The following CATSPERE variants were observed in gnomAD, a reference collection of about 807,000 sequenced individuals.
The protein encoded by CATSPERE is catsper channel auxiliary subunit epsilon.
In CATSPERE, 93 loss-of-function variants were observed where a neutral mutation model predicts 114.1. That is an observed-to-expected ratio of 0.81 (90% CI 0.69 to 0.97). The LOEUF (loss-of-function observed/expected upper bound fraction) is 0.97. Ranked by LOEUF, CATSPERE falls within the 50% of genes least tolerant of loss-of-function variation. CATSPERE has a pLI of 0.00. For synonymous variants in CATSPERE, 341 were observed against 384.1 expected (o/e 0.89, Z 1.31); for missense variants, 1,058 against 1,131.6 (o/e 0.93, Z 0.93).
chr1:244,602,308 T>C (rs1669358032), intron 17 of CATSPERE, among the ~76,000 whole-genome samples: 1 of 152,206 alleles, frequency 6.6e-6, no homozygotes, highest in South Asian at 2.1e-4. Flanking sequence ...GTATACATAG[T>C]TGAAAACCAG....
At chr1:244,638,150 C>G (rs1046498814) in intron 21 of CATSPERE, among the ~76,000 whole-genome samples, 2 of 152,174 alleles carry the variant, frequency 1.3e-5, no homozygotes, top group Admixed American at 1.3e-4. Flanking sequence ...CAGGACAAAA[C>G]TTCTCAAAAG....
At chr1:244,531,079 ATTT>A (rs772984024) in intron 8 of CATSPERE, among the ~76,000 whole-genome samples, 1 of 151,076 alleles carries the variant, frequency 6.6e-6, no homozygotes, top group Non-Finnish European at 1.5e-5. Flanking sequence ...AATAAAAAAA[ATTT>A]AAAAAAAGCC....
intron 2 of CATSPERE, among the ~76,000 whole-genome samples, chr1:244,474,905 A>G (rs1572268086): frequency 6.6e-6 from 1 of 151,642 alleles, no homozygotes; most frequent in Non-Finnish European, 1.5e-5. Context: ...CACCACACCC[A>G]GCTAATTTTT....
chr1:244,587,222 G>C (rs1667136644), intron 13 of CATSPERE, among the ~76,000 whole-genome samples: 1 of 152,120 alleles, frequency 6.6e-6, no homozygotes, highest in Admixed American at 6.5e-5. Context: ...TTTAATTTTT[G>C]TGTGTAATAT....
At chr1:244,606,750 T>G (rs1056586911) in intron 18 of CATSPERE, among the ~76,000 whole-genome samples, 2 of 151,926 alleles carry the variant, frequency 1.3e-5, no homozygotes, top group Non-Finnish European at 2.9e-5. Flanking sequence ...TACAGGCACA[T>G]GCCACTACAC....
chr1:244,470,168 A>G (rs927356266), intron 2 of CATSPERE, among the ~76,000 whole-genome samples: 6 of 152,226 alleles, frequency 3.9e-5, no homozygotes, highest in Non-Finnish European at 8.8e-5. Context: ...GCAACAAAAG[A>G]AAAAATAGAT....
Position 244,614,526 on chromosome 1 carries a change from T to C in CATSPERE, c.2491-3003T>C, listed in dbSNP as rs570490453. ...TCCTTTGCTTTTTATACAAACATCT[T>C]CCAAACTTTTCCCAGAGGTCTGTCC... is the stretch of plus-strand genomic sequence containing the variant. On this transcript the variant is annotated intron_variant, in intron 19 of 21. Transcript: ENST00000366534. Among the ~76,000 whole-genome samples the C allele has an allele frequency of 7.5e-3, 1,138 of 152,334 alleles. 17 individuals carry two copies. The highest frequency in any genetic ancestry group is 0.026 in the African/African-American group (1,084 of 41,570).
At chr1:244,603,168 G>T (rs1047803181) in intron 17 of CATSPERE, among the ~76,000 whole-genome samples, 8 of 152,096 alleles carry the variant, frequency 5.3e-5, no homozygotes, top group African/African-American at 1.9e-4. Flanking sequence ...TCATAGGCAG[G>T]GGCTCCTGGA....
chr1:244,469,548 T>C (rs3006011), intron 2 of CATSPERE, among the ~76,000 whole-genome samples: 2,059 of 152,208 alleles, frequency 0.014, 44 homozygotes, highest in African/African-American at 0.045. Context: ...TGCAAGAAAA[T>C]GAACTAAAAG....
chr1:244,622,850 G>A (rs1247801206), intron 20 of CATSPERE, among the ~76,000 whole-genome samples: 1 of 152,036 alleles, frequency 6.6e-6, no homozygotes, highest in East Asian at 1.9e-4. Context: ...TAGCTTTACA[G>A]CTTTATAATA....
At chr1:244,525,209 A>T (rs1022028802) in intron 8 of CATSPERE, among the ~76,000 whole-genome samples, 2 of 150,772 alleles carry the variant, frequency 1.3e-5, no homozygotes. Context: ...TGAAATTGGA[A>T]ATCATCATTC....
rs144928151 is a variant in CATSPERE at position 244,620,461 on chromosome 1, G to C, written c.2648+2775G>C. The stretch of plus-strand genomic sequence containing the variant: ...GAGTGGGTCGTGGGGAGAATCTGCT[G>C]TATCTTACAATACCTACAGAGCACA... On this transcript the variant is annotated intron_variant, in intron 20 of 21. Coordinates refer to ENST00000366534, the MANE Select transcript of CATSPERE (RefSeq NM_001130957.2). Among the ~76,000 whole-genome samples the C allele has an allele frequency of 3.3e-5, 5 of 152,286 alleles. No homozygotes were observed. The East Asian group carries it at 9.6e-4, about 29-fold the overall frequency.
chr1:244,510,835 CTT>C (rs747921082), intron 7 of CATSPERE, among the ~76,000 whole-genome samples: 2,266 of 48,066 alleles, frequency 0.047, 9 homozygotes, highest in Non-Finnish European at 0.054. Flanking sequence ...TTTTCTTTTT[CTT>C]TTTTTTTTTT....
intron 4 of CATSPERE, among the ~76,000 whole-genome samples, chr1:244,479,371 G>A (rs1572294403): frequency 1.3e-5 from 2 of 152,116 alleles, no homozygotes; most frequent in Non-Finnish European, 2.9e-5. Flanking sequence ...GGGATTACAG[G>A]TGTGAGCCAC....
At chr1:244,561,444 A>G (rs1662550506) in intron 10 of CATSPERE, among the ~76,000 whole-genome samples, 1 of 152,142 alleles carries the variant, frequency 6.6e-6, no homozygotes, top group Non-Finnish European at 1.5e-5. Flanking sequence ...GTGCTGTGGT[A>G]TTGTGTTACG....
chr1:244,467,980 T>C (rs570144458), intron 2 of CATSPERE, among the ~76,000 whole-genome samples: 1 of 152,350 alleles, frequency 6.6e-6, no homozygotes, highest in East Asian at 1.9e-4. Context: ...AATCTTTGCT[T>C]ACCATTTCAA....
chr1:244,452,704 TATC>T (rs1665721036), upstream of CATSPERE, among the ~76,000 whole-genome samples: 1 of 152,204 alleles, frequency 6.6e-6, no homozygotes, highest in African/African-American at 2.4e-5. Context: ...GATCCTCTAT[TATC>T]CTTATTTTAC....
intron 20 of CATSPERE, among the ~76,000 whole-genome samples, chr1:244,631,821 T>A (rs2653150): frequency 6.6e-6 from 1 of 152,176 alleles, no homozygotes; most frequent in Non-Finnish European, 1.5e-5. Flanking sequence ...GGATATGGAA[T>A]ATCAGGAACT....
At chr1:244,587,000 A>G (rs914051312) in intron 13 of CATSPERE, among the ~76,000 whole-genome samples, 3 of 152,172 alleles carry the variant, frequency 2.0e-5, no homozygotes, top group Non-Finnish European at 4.4e-5. Flanking sequence ...TAATATCTGT[A>G]TAGTAATTAA....
Sources: allele counts gnomAD v4.1 joint callset (sites outside exome capture counted in the v4.1 genomes callset), GRCh38; gene constraint gnomAD v4.1.1; transcripts MANE v1.5; gene names NCBI Gene and HGNC (gene_info 2026-07-23, HGNC 2026-07-21).